The following CR1L variants were observed in gnomAD, a reference collection of about 807,000 sequenced individuals.
CR1L encodes complement C3b/C4b receptor 1 like.
CR1L carries 59 observed loss-of-function variants against 62.3 expected under a neutral mutation model. That is an observed-to-expected ratio of 0.95 (90% CI 0.77 to 1.18). The LOEUF is 1.18. CR1L is among the 50% of genes most tolerant of loss of function. CR1L has a pLI of 0.00. For missense variants in CR1L, 700 were observed against 702.8 expected, an observed-to-expected ratio of 1.00 and a Z score of 0.04; for synonymous variants, 279 against 248.7, an observed-to-expected ratio of 1.12 and a Z score of -1.15.
chr1:207,708,532 A>G (rs572188261), intron 10 of CR1L, among the ~76,000 whole-genome samples: 1 of 152,286 alleles, frequency 6.6e-6, no homozygotes, highest in South Asian at 2.1e-4. Context: ...TTGGGTGAAC[A>G]CCTCCCAGTT....
chr1:207,674,948 G>A (rs777952576), intron 1 of CR1L, among the ~76,000 whole-genome samples: 2 of 151,914 alleles, frequency 1.3e-5, no homozygotes, highest in African/African-American at 4.8e-5. Context: ...AGACTCCTGG[G>A]CTCTAACCCA....
rs548707298 is a variant in CR1L at position 207,693,284 on chromosome 1, A to T, written c.464-1069A>T. ...AGGCCTGTGCCACTATTCCTGGCTA[A>T]TTTTTGTATTTTTAGTAGAGACAGG... On this transcript the variant is annotated intron_variant, in intron 4 of 11. Transcript: ENST00000508064. Among the ~76,000 whole-genome samples the T allele has an allele frequency of 3.5e-4, 53 of 152,146 alleles. 1 individual carries two copies. The South Asian group carries it at 3.7e-3, about 11-fold the overall frequency.
intron 4 of CR1L, among the ~76,000 whole-genome samples, chr1:207,689,541 T>C (rs1473585422): frequency 2.0e-5 from 3 of 152,198 alleles, no homozygotes; most frequent in Non-Finnish European, 1.5e-5. Flanking sequence ...TTTGCATTTA[T>C]GTTCTCAAGA....
At chr1:207,699,011 C>T (rs147681537) in intron 7 of CR1L, among the ~76,000 whole-genome samples, 178 bp from the exon 8 acceptor site, 1,802 of 152,268 alleles carry the variant, frequency 0.012, 52 homozygotes, top group African/African-American at 0.042. Flanking sequence ...CATTTTGCCA[C>T]TCTATATTGC....
At chr1:207,662,819 G>A (rs1186790111) in intron 1 of CR1L, among the ~76,000 whole-genome samples, 1 of 152,120 alleles carries the variant, frequency 6.6e-6, no homozygotes, top group Non-Finnish European at 1.5e-5. Flanking sequence ...ATACAGATAG[G>A]TTTTTGGTGT....
chr1:207,653,181 GGTAA>G (rs1402565749), intron 1 of CR1L: 5 of 161,036 alleles, frequency 3.1e-5, no homozygotes, highest in East Asian at 3.7e-4. Flanking sequence ...TGTAATGAGG[GGTAA>G]GTAAGTTCCT....
intron 1 of CR1L, among the ~76,000 whole-genome samples, chr1:207,646,772 C>CA (rs1663134171): frequency 6.9e-6 from 1 of 144,848 alleles, no homozygotes; most frequent in African/African-American, 2.6e-5. Context: ...GCTTATTGTG[C>CA]AAAATGAACA....
rs183981573 is a variant in CR1L, at chr1:207,710,706, T to G, written c.1414+2443T>G. The G allele has an allele frequency of 6.2e-4, 1,002 of 1,610,038 alleles. 8 individuals carry two copies. The Admixed American group carries it at 0.012, about 20-fold the overall frequency. ...GAGTTTAGGTGTCAGCCTGGCTTTG[T>G]CATGAAAGGACCCCCCGCACCGTGT... On this transcript the variant is annotated intron_variant, in intron 10 of 11. Transcript: ENST00000508064.
chr1:207,716,889 T>A (rs1654012996), intron 10 of CR1L, among the ~76,000 whole-genome samples: 1 of 152,172 alleles, frequency 6.6e-6, no homozygotes, highest in Non-Finnish European at 1.5e-5. Flanking sequence ...GCTAATAATT[T>A]GGAAGAAAGA....
chr1:207,676,498 G>A (rs1663695105), intron 1 of CR1L, among the ~76,000 whole-genome samples: 2 of 152,134 alleles, frequency 1.3e-5, no homozygotes, highest in African/African-American at 2.4e-5. Context: ...TGTTCCCTAT[G>A]AGAATCTAAT....
chr1:207,659,642 C>G (rs1663375305), intron 1 of CR1L, among the ~76,000 whole-genome samples: 1 of 152,212 alleles, frequency 6.6e-6, no homozygotes. Context: ...GTTCATCTCA[C>G]TGGGACTGGT....
chr1:207,714,129 G>A (rs1653916843), intron 10 of CR1L, among the ~76,000 whole-genome samples: 1 of 152,184 alleles, frequency 6.6e-6, no homozygotes, highest in Non-Finnish European at 1.5e-5. Flanking sequence ...TTTATTGAGT[G>A]ACAAAACAGC....
rs369131073 is a variant in CR1L, at chr1:207,645,196, T to A, written c.-38T>A. On this transcript the variant is annotated 5_prime_UTR_variant, in exon 1 of 12. Transcript: ENST00000508064. The stretch of plus-strand genomic sequence containing the variant: ...CTCGGCTGGCTTTCGGTTTCTCTGC[T>A]CACCTCCGGATAAATCACGGGGTCT... 3.9e-5 allele frequency: 62 copies of A among 1,606,224 alleles called. No individual in the cohort carries two copies. The highest frequency in any genetic ancestry group is 4.3e-4 in the Middle Eastern group (2 of 4,638).
chr1:207,689,290 A>AAACTC (rs1263076199), intron 4 of CR1L, among the ~76,000 whole-genome samples: 1 of 152,090 alleles, frequency 6.6e-6, no homozygotes, highest in Non-Finnish European at 1.5e-5. Context: ...AAGGGCAAAC[A>AAACTC]AACTCTGAAT....
chr1:207,698,748 G>A (rs1332952273), intron 7 of CR1L, among the ~76,000 whole-genome samples: 1 of 152,204 alleles, frequency 6.6e-6, no homozygotes, highest in Non-Finnish European at 1.5e-5. Context: ...CGCCATCACA[G>A]ATGTGGAGAT....
At chr1:207,686,498 T>A (rs1226574127) in intron 4 of CR1L, among the ~76,000 whole-genome samples, 2 of 152,174 alleles carry the variant, frequency 1.3e-5, no homozygotes, top group Non-Finnish European at 2.9e-5. Flanking sequence ...TTCTCTTTTT[T>A]CTGTTAATGT....
At chr1:207,718,965 G>A (rs966615028) in intron 11 of CR1L, among the ~76,000 whole-genome samples, 3 of 149,460 alleles carry the variant, frequency 2.0e-5, no homozygotes, top group African/African-American at 7.4e-5. Flanking sequence ...GTAGGGACAT[G>A]GATGAAATTG....
chr1:207,694,263 A>C, intron 4 of CR1L, 90 bp from the exon 5 acceptor site: 1 of 1,502,202 alleles, frequency 6.7e-7, no homozygotes, highest in South Asian at 1.2e-5. Context: ...GAATAAAAGC[A>C]AATAATGAAT....
rs576246887 is a variant in CR1L, at chr1:207,708,372, T to C, written c.1414+109T>C. Reference sequence around the variant, plus strand: ...CCTCTTGGAAATGGTATCCTTCTGATATTTGAAGAATCCAGTCATATCCTT... The same window carrying C: ...CCTCTTGGAAATGGTATCCTTCTGACATTTGAAGAATCCAGTCATATCCTT... On this transcript the variant is annotated intron_variant, in intron 10 of 11. Coordinates refer to ENST00000508064, the MANE Select transcript of CR1L (RefSeq NM_175710.2). 1.1e-5 allele frequency: 15 copies of C among 1,392,730 alleles called. No homozygotes were observed. In the African/African-American group the frequency reaches 1.7e-4, roughly 16 times the overall value. 86.3% of individuals were successfully genotyped at this position (1,392,730 alleles called of 1,614,324 possible). A position where few individuals can be genotyped will look rare whatever the true frequency, so the allele number is the denominator to read the frequency against.
Sources: gnomAD v4.1 joint callset for allele counts (sites outside exome capture counted in the v4.1 genomes callset) on GRCh38, gnomAD v4.1.1 for gene constraint, MANE v1.5 for transcripts, NCBI Gene and HGNC (gene_info 2026-07-23, HGNC 2026-07-21) for gene names.